The following ZC3H12C variants were observed in gnomAD, a reference collection of about 807,000 sequenced individuals.
ZC3H12C encodes the protein zinc finger CCCH-type containing 12C.
In ZC3H12C, 20 loss-of-function variants were observed where a neutral mutation model predicts 76.3. The ratio of observed to expected loss-of-function variants is 0.26; its 90% CI spans 0.18 to 0.38. The LOEUF is 0.38. Among genes scored for constraint, ZC3H12C ranks in the 10% least tolerant of loss-of-function variants. The probability of loss-of-function intolerance (pLI) is 1.00; values close to 1 mark genes in which losing one functional copy is unlikely to be tolerated. For synonymous variants in ZC3H12C, 352 were observed against 399.6 expected (o/e 0.88, Z 1.42); for missense variants, 874 against 1,086.5 (o/e 0.80, Z 2.75).
chr11:110,094,854 A>G (rs1017336550), intron 1 of ZC3H12C, among the ~76,000 whole-genome samples: 1 of 152,222 alleles, frequency 6.6e-6, no homozygotes, highest in African/African-American at 2.4e-5. Flanking sequence ...CTATGTACCC[A>G]TAGTTCAAAA....
chr11:110,159,449 C>T lies in ZC3H12C; in HGVS notation c.1107C>T (p.Phe369=). The part of the protein sequence containing the change: ...LANEKPEWKK[F]IDERLLMYSF... ...ATGAGAAGCCAGAATGGAAGAAGTT[C>T]ATAGATGAACGATTATTAATGTATT... The change falls in exon 4 of 6, where the codon TTC becomes TTT. Residue 369 remains phenylalanine (F), a synonymous_variant. Transcript: ENST00000278590. 6.2e-7 allele frequency: 1 copy of T among 1,613,054 alleles called. No homozygotes were observed. Among genetic ancestry groups the T allele is most frequent in the Non-Finnish European group, 8.5e-7 (1 of 1,179,484 alleles).
intron 1 of ZC3H12C, among the ~76,000 whole-genome samples, chr11:110,108,795 A>G (rs1212480646): frequency 6.6e-6 from 1 of 152,208 alleles, no homozygotes; most frequent in African/African-American, 2.4e-5. Flanking sequence ...CAGAATTTTT[A>G]TCCCTCTAAA....
At chr11:110,128,239 CATGTG>C (rs1861790175) in intron 1 of ZC3H12C, among the ~76,000 whole-genome samples, 1 of 152,002 alleles carries the variant, frequency 6.6e-6, no homozygotes, top group African/African-American at 2.4e-5. Flanking sequence ...GGACTAGGGC[CATGTG>C]ACTAAGAAAG....
intron 3 of ZC3H12C, among the ~76,000 whole-genome samples, chr11:110,154,093 T>C (rs955931886): frequency 5.3e-5 from 8 of 152,320 alleles, no homozygotes; most frequent in East Asian, 3.9e-4. Flanking sequence ...AATTTTTGGC[T>C]GGGCGCAGTG....
chr11:110,138,980 G>A (rs1335822657), intron 2 of ZC3H12C, among the ~76,000 whole-genome samples: 1 of 152,116 alleles, frequency 6.6e-6, no homozygotes, highest in Non-Finnish European at 1.5e-5. Context: ...TACTATATTG[G>A]ACAATGCACT....
rs551109369 is a variant in ZC3H12C, at chr11:110,103,693, CCT to C, written c.21+10265_21+10266del. On this transcript the variant is annotated intron_variant, in intron 1 of 5. Transcript: ENST00000278590. ...CGAACTCGGCTCACTGCAAGCTCCG[CCT>C]CTCGGGTTCATGCCACTCTCCTGAC... Among the ~76,000 whole-genome samples, 31 of 151,864 alleles carry C rather than the reference CCT, an allele frequency of 2.0e-4. No individual in the cohort carries two copies. In the South Asian group the frequency reaches 3.8e-3, roughly 18 times the overall value.
At chr11:110,107,306 T>C (rs1861347128) in intron 1 of ZC3H12C, among the ~76,000 whole-genome samples, 1 of 152,218 alleles carries the variant, frequency 6.6e-6, no homozygotes, top group Non-Finnish European at 1.5e-5. Context: ...GTTCGTTTTT[T>C]ATGTCATATC....
intron 1 of ZC3H12C, among the ~76,000 whole-genome samples, chr11:110,130,790 A>T (rs1392845731): frequency 3.3e-5 from 5 of 152,206 alleles, no homozygotes; most frequent in African/African-American, 7.2e-5. Context: ...TTGTTGCTGC[A>T]CACCCCTCGT....
rs1862570234 is a variant in ZC3H12C, at chr11:110,165,647, G to A, written c.2562G>A (p.Val854=). The A allele has an allele frequency of 6.3e-7, 1 of 1,598,670 alleles. No individual in the cohort carries two copies. Among genetic ancestry groups the A allele is most frequent in the African/African-American group, 1.3e-5 (1 of 74,564 alleles). ...NLCNIFPPDL[V]RIVMKRNPHM... ...GCAACATCTTCCCCCCTGACCTTGT[G>A]AGAATTGTCATGAAAAGGAATCCTC... Residue 854 remains valine (V), a synonymous_variant, in exon 6 of 6, where the codon GTG becomes GTA. Transcript: ENST00000278590.
chr11:110,098,805 A>C (rs1326408780), intron 1 of ZC3H12C, among the ~76,000 whole-genome samples: 1 of 152,176 alleles, frequency 6.6e-6, no homozygotes, highest in Non-Finnish European at 1.5e-5. Context: ...GTGTAAGTAT[A>C]CTCTGTGATG....
At chr11:110,150,358 C>A (rs983776186) in intron 2 of ZC3H12C, among the ~76,000 whole-genome samples, 1 of 146,056 alleles carries the variant, frequency 6.8e-6, no homozygotes, top group Non-Finnish European at 1.5e-5. Flanking sequence ...TTTTCAATTT[C>A]ATTTTATCTA....
chr11:110,114,650 C>G (rs1046622592), intron 1 of ZC3H12C, among the ~76,000 whole-genome samples: 2 of 152,154 alleles, frequency 1.3e-5, no homozygotes, highest in Admixed American at 1.3e-4. Flanking sequence ...GAAAGTATTA[C>G]TTTAAAAATG....
At chr11:110,116,222 T>C (rs1193618654) in intron 1 of ZC3H12C, among the ~76,000 whole-genome samples, 4 of 152,170 alleles carry the variant, frequency 2.6e-5, no homozygotes, top group Non-Finnish European at 4.4e-5. Flanking sequence ...CTTACACTTA[T>C]GTTCCTTACC....
At chr11:110,161,766 A>C (rs1008125095) in intron 4 of ZC3H12C, among the ~76,000 whole-genome samples, 5 of 152,244 alleles carry the variant, frequency 3.3e-5, no homozygotes, top group African/African-American at 1.2e-4. Context: ...CTAAATGTAC[A>C]ATAGAGAAAT....
At chr11:110,153,224 G>A (rs1433420331) in intron 3 of ZC3H12C, among the ~76,000 whole-genome samples, 166 bp downstream of exon 3, 1 of 152,218 alleles carries the variant, frequency 6.6e-6, no homozygotes, top group Non-Finnish European at 1.5e-5. Context: ...GTCTCCCACT[G>A]TCACCCAGGC....
At position 110,165,440 on chromosome 11, in the gene ZC3H12C, C is replaced by T. The variant is rs1358630380; in HGVS notation, c.2355C>T (p.Asp785=). The change falls in exon 6 of 6, where the codon GAC becomes GAT. Residue 785 remains aspartate, a synonymous_variant. Transcript: ENST00000278590. ...GSWERPGYGI[D]AYGYRQTYSL... is the part of the protein sequence containing the mutation. ...GGGAGAGGCCAGGCTATGGGATCGA[C>T]GCCTATGGGTACCGGCAGACTTATT... 1.9e-6 allele frequency: 3 copies of T among 1,614,022 alleles called. No individual in the cohort carries two copies. Among genetic ancestry groups the T allele is most frequent in the South Asian group, 1.1e-5 (1 of 91,086 alleles).
rs1045847465 is a variant in ZC3H12C at position 110,106,833 on chromosome 11, G to A, written c.21+13401G>A. Among the ~76,000 whole-genome samples, 197 of 152,090 alleles carry A rather than the reference G, an allele frequency of 1.3e-3. 1 individual carries two copies. The highest frequency in any genetic ancestry group is 1.8e-3 in the Non-Finnish European group (125 of 68,014). On this transcript the variant is annotated intron_variant, in intron 1 of 5. Coordinates refer to ENST00000278590, the MANE Select transcript of ZC3H12C (RefSeq NM_033390.2). ...TTCCAACACTTTTCAGTTGAGTCTC[G>A]TGATTTTCAGGTTCTATAATAATGA... is the stretch of plus-strand genomic sequence containing the variant.
intron 1 of ZC3H12C, among the ~76,000 whole-genome samples, chr11:110,105,777 C>G (rs568011193): frequency 6.6e-6 from 1 of 152,032 alleles, no homozygotes; most frequent in South Asian, 2.1e-4. Context: ...TCATAAACAT[C>G]CTTTTAAGAG....
chr11:110,106,511 T>G (rs1428033115), intron 1 of ZC3H12C, among the ~76,000 whole-genome samples: 1 of 152,224 alleles, frequency 6.6e-6, no homozygotes, highest in Admixed American at 6.5e-5. Context: ...TGGGTAGGTT[T>G]CTTATAAAAT....
Sources: allele counts gnomAD v4.1 joint callset (sites outside exome capture counted in the v4.1 genomes callset), GRCh38; gene constraint gnomAD v4.1.1; transcripts MANE v1.5; gene names NCBI Gene and HGNC (gene_info 2026-07-23, HGNC 2026-07-21).